The following GABRB1 variants were observed in gnomAD, a reference collection of about 807,000 sequenced individuals.
GABRB1 encodes gamma-aminobutyric acid receptor subunit beta-1.
Under a neutral mutation model 51.6 loss-of-function variants are expected in GABRB1, and 17 were observed. The observed-to-expected ratio is 0.33, with a 90% CI of 0.23 to 0.49. GABRB1 has a LOEUF of 0.49. Ranked by LOEUF, GABRB1 falls within the 20% of genes least tolerant of loss-of-function variation. The pLI is 0.99. For missense variants in GABRB1, 410 were observed against 600.6 expected (o/e 0.68, Z 3.32); for synonymous variants, 247 against 218.9 (o/e 1.13, Z -1.14).
chr4:47,390,734 T>C (rs184455077), intron 5 of GABRB1, among the ~76,000 whole-genome samples: 1 of 152,218 alleles, frequency 6.6e-6, no homozygotes, highest in South Asian at 2.1e-4. Flanking sequence ...TAAAATAGGT[T>C]GTTTAGGTGT....
intron 4 of GABRB1, among the ~76,000 whole-genome samples, chr4:47,171,233 T>C (rs1316440772): frequency 1.3e-5 from 2 of 151,660 alleles, no homozygotes; most frequent in East Asian, 1.9e-4. Context: ...CTGACCTTGA[T>C]TGTATGTCTC....
intron 3 of GABRB1, among the ~76,000 whole-genome samples, chr4:47,140,241 C>T (rs546778684): frequency 6.6e-6 from 1 of 151,790 alleles, no homozygotes; most frequent in African/African-American, 2.4e-5. Context: ...CAATATAAAA[C>T]ATTTTGTCTG....
At chr4:47,367,024 C>T (rs1724412158) in intron 5 of GABRB1, among the ~76,000 whole-genome samples, 1 of 152,130 alleles carries the variant, frequency 6.6e-6, no homozygotes, top group African/African-American at 2.4e-5. Context: ...TTGCTTCTGC[C>T]ATACCTGGAC....
chr4:47,297,976 T>C (rs189310550), intron 4 of GABRB1, among the ~76,000 whole-genome samples: 15 of 152,226 alleles, frequency 9.9e-5, no homozygotes, highest in African/African-American at 3.4e-4. Flanking sequence ...ATAAACAGAA[T>C]CAAAGACAAA....
At chr4:47,381,165 GC>G (rs1727584609) in intron 5 of GABRB1, among the ~76,000 whole-genome samples, 1 of 152,100 alleles carries the variant, frequency 6.6e-6, no homozygotes, top group African/African-American at 2.4e-5. Flanking sequence ...GACTACAGAA[GC>G]CTCACCCTTG....
chr4:47,089,891 C>A (rs1728224383), intron 3 of GABRB1, among the ~76,000 whole-genome samples: 1 of 151,928 alleles, frequency 6.6e-6, no homozygotes, highest in South Asian at 2.1e-4. Flanking sequence ...CCTTTTAAAC[C>A]ATAATAAAAA....
At chr4:47,421,042 G>A (rs1729077874) in intron 8 of GABRB1, among the ~76,000 whole-genome samples, 2 of 151,954 alleles carry the variant, frequency 1.3e-5, no homozygotes, top group South Asian at 4.1e-4. Flanking sequence ...ATGGAAGTGG[G>A]CAAGAATTGT....
Position 47,074,049 on chromosome 4 carries a change from A to G in GABRB1, c.240+41565A>G, listed in dbSNP as rs547633141. ...ATAAGTTACAATATGTAATTTAAATATGTGTAAGATAAATACAATTTTTCT... is the reference window on the plus strand; with the variant it reads ...ATAAGTTACAATATGTAATTTAAATGTGTGTAAGATAAATACAATTTTTCT... On this transcript the variant is annotated intron_variant, in intron 3 of 8. Coordinates refer to ENST00000295454, the MANE Select transcript of GABRB1 (RefSeq NM_000812.4). 1.8e-3 allele frequency among the ~76,000 whole-genome samples: 277 copies of G among 152,364 alleles called. 4 individuals carry two copies. Among genetic ancestry groups the G allele is most frequent in the African/African-American group, 6.5e-3 (272 of 41,594 alleles).
chr4:47,137,395 A>G (rs1716715828), intron 3 of GABRB1, among the ~76,000 whole-genome samples: 1 of 152,076 alleles, frequency 6.6e-6, no homozygotes, highest in African/African-American at 2.4e-5. Flanking sequence ...CAGAACAGAC[A>G]GGTGATAAAA....
chr4:47,042,614 G>A (rs1435636999), intron 3 of GABRB1, among the ~76,000 whole-genome samples: 5 of 150,900 alleles, frequency 3.3e-5, no homozygotes, highest in African/African-American at 1.2e-4. Context: ...TAATTTGATT[G>A]AGTATTACAA....
At chr4:47,363,642 G>A (rs540517264) in intron 5 of GABRB1, among the ~76,000 whole-genome samples, 2 of 152,236 alleles carry the variant, frequency 1.3e-5, no homozygotes, top group Admixed American at 6.5e-5. Flanking sequence ...TACAGGTTTC[G>A]TCCATTTTAA....
At chr4:47,207,119 A>G (rs1367021656) in intron 4 of GABRB1, among the ~76,000 whole-genome samples, 4 of 151,936 alleles carry the variant, frequency 2.6e-5, no homozygotes, top group Admixed American at 6.6e-5. Context: ...AGAATTTATT[A>G]GTGTGTTCAA....
chr4:47,324,209 C>T (rs1240182595), intron 5 of GABRB1, among the ~76,000 whole-genome samples: 4 of 152,128 alleles, frequency 2.6e-5, no homozygotes, highest in Non-Finnish European at 5.9e-5. Context: ...CTTTCTTATT[C>T]TTCACCACCA....
At chr4:47,008,888 G>A (rs1490920044) in intron 1 of GABRB1, among the ~76,000 whole-genome samples, 1 of 24,138 alleles carries the variant, frequency 4.1e-5, no homozygotes, top group African/African-American at 1.3e-4. Flanking sequence ...TTTTTGAGAC[G>A]AGTCTCGCTC....
intron 4 of GABRB1, among the ~76,000 whole-genome samples, chr4:47,208,225 A>G (rs1466090178): frequency 6.6e-6 from 1 of 152,110 alleles, no homozygotes; most frequent in East Asian, 1.9e-4. Flanking sequence ...TAAGAAAAAT[A>G]AACCAGATAC....
intron 8 of GABRB1, among the ~76,000 whole-genome samples, chr4:47,415,258 A>G (rs1294921094): frequency 6.6e-6 from 1 of 152,200 alleles, no homozygotes; most frequent in Non-Finnish European, 1.5e-5. Context: ...ACACAACTGA[A>G]AGGTGGAAGC....
intron 4 of GABRB1, among the ~76,000 whole-genome samples, chr4:47,290,467 G>A (rs368714761): frequency 1.3e-4 from 20 of 152,280 alleles, no homozygotes; most frequent in African/African-American, 3.9e-4. Flanking sequence ...GTAGAGTGGG[G>A]CATTCCTAGA....
intron 4 of GABRB1, among the ~76,000 whole-genome samples, chr4:47,173,936 G>A (rs1718548294): frequency 6.6e-6 from 1 of 152,110 alleles, no homozygotes. Flanking sequence ...CATAGTCTCT[G>A]ATTTTGCCTA....
chr4:47,031,892 G>C (rs1371557460), intron 1 of GABRB1, 22 bp from the exon 2 acceptor site: 2 of 1,602,980 alleles, frequency 1.2e-6, no homozygotes, highest in African/African-American at 2.7e-5. Context: ...TTTTGAATAC[G>C]GTCCCTACTT....
Sources: gnomAD v4.1 joint callset for allele counts (sites outside exome capture counted in the v4.1 genomes callset) on GRCh38, gnomAD v4.1.1 for gene constraint, MANE v1.5 for transcripts, NCBI Gene and HGNC (gene_info 2026-07-23, HGNC 2026-07-21) for gene names.